FMR1NB: variants seen among roughly 807,000 people sequenced by gnomAD.
FMR1NB encodes the protein FMR1 neighbor protein.
In FMR1NB, 10 loss-of-function variants were observed where a neutral mutation model predicts 16.8. The ratio of observed to expected loss-of-function variants is 0.60; its 90% confidence interval spans 0.37 to 1.01. The LOEUF (loss-of-function observed/expected upper bound fraction) is 1.01. FMR1NB is among the 50% of genes least tolerant of loss of function. The probability of loss-of-function intolerance (pLI) is 0.01; values close to 1 mark genes in which losing one functional copy is unlikely to be tolerated. For synonymous variants in FMR1NB, 83 were observed against 79.1 expected, an observed-to-expected ratio of 1.05 and a Z score of -0.26; for missense variants, 205 against 204.8, an observed-to-expected ratio of 1.00 and a Z score of 0.00.
At chrX:148,023,740 C>A (rs531366321) in intron 4 of FMR1NB, among the ~76,000 whole-genome samples, 24 of 111,349 alleles carry the variant, frequency 2.2e-4, no homozygotes, top group Middle Eastern at 9.2e-3. Flanking sequence ...AAGTAAAAGC[C>A]CTATAAGCAT....
At chrX:147,990,096 T>A (rs1557187460) in intron 1 of FMR1NB, among the ~76,000 whole-genome samples, 1 of 109,731 alleles carries the variant, frequency 9.1e-6, no homozygotes, top group East Asian at 2.8e-4. Flanking sequence ...TCTGAACAGC[T>A]GCCAGTTTTG....
intron 1 of FMR1NB, among the ~76,000 whole-genome samples, chrX:147,982,865 G>A (rs2044457939): frequency 8.9e-6 from 1 of 111,911 alleles, no homozygotes; most frequent in Non-Finnish European, 1.9e-5. Context: ...CTACACTCCA[G>A]CTTGGGCGAC....
chrX:147,993,041 G>A (rs1326871124), intron 1 of FMR1NB, among the ~76,000 whole-genome samples: 4 of 105,677 alleles, frequency 3.8e-5, no homozygotes, highest in Non-Finnish European at 5.9e-5. Flanking sequence ...CTGCAATCTC[G>A]GCACTTTGGG....
chrX:148,025,472 T>C (rs1557190937), intron 5 of FMR1NB, among the ~76,000 whole-genome samples: 3 of 111,568 alleles, frequency 2.7e-5, no homozygotes, highest in African/African-American at 9.8e-5. Flanking sequence ...CACGATGTAG[T>C]GTTAGAAGAG....
At chrX:147,993,280 C>T (rs2044523880) in intron 1 of FMR1NB, among the ~76,000 whole-genome samples, 1 of 112,130 alleles carries the variant, frequency 8.9e-6, no homozygotes, top group African/African-American at 3.2e-5. Context: ...GCGGCGCGTG[C>T]CTGCAATCGC....
chrX:148,018,392 C>T (rs1314667522), intron 4 of FMR1NB, among the ~76,000 whole-genome samples: 1 of 111,805 alleles, frequency 8.9e-6, no homozygotes, highest in Non-Finnish European at 1.9e-5. Flanking sequence ...AAGAACAAAG[C>T]TGGAGGCATC....
chrX:147,995,503 A>G (rs1288403216), intron 1 of FMR1NB, among the ~76,000 whole-genome samples: 2 of 111,750 alleles, frequency 1.8e-5, no homozygotes, highest in African/African-American at 3.3e-5. Flanking sequence ...ATATTTATGC[A>G]GAAGACGTAC....
intron 4 of FMR1NB, among the ~76,000 whole-genome samples, chrX:148,013,628 A>G (rs1204686944): frequency 8.9e-6 from 1 of 112,266 alleles, no homozygotes; most frequent in Non-Finnish European, 1.9e-5. Context: ...GACTTGAGTT[A>G]GATAATTTCT....
intron 4 of FMR1NB, among the ~76,000 whole-genome samples, chrX:148,015,982 T>A (rs5951867): frequency 0.042 from 4,743 of 112,079 alleles, 114 homozygotes; most frequent in East Asian, 0.13. Flanking sequence ...TGTATCTGGG[T>A]GTTCCAGTGT....
intron 1 of FMR1NB, among the ~76,000 whole-genome samples, chrX:147,982,436 A>C (rs1202802309): frequency 9.1e-6 from 1 of 109,292 alleles, no homozygotes; most frequent in Non-Finnish European, 1.9e-5. Flanking sequence ...AAAATACAAA[A>C]AAATTAGCTG....
intron 4 of FMR1NB, among the ~76,000 whole-genome samples, chrX:148,016,752 C>T (rs148537781): frequency 1.8e-5 from 2 of 111,225 alleles, no homozygotes; most frequent in African/African-American, 6.5e-5. Flanking sequence ...AAAACTCTAC[C>T]TCATAGTTTC....
In FMR1NB at chrX:147,981,408, T is replaced by G; in HGVS notation, c.6T>G (p.Ser2=). Residue 2 remains serine (S), a synonymous_variant, in exon 1 of 6, where the codon TCT becomes TCG. Coordinates refer to ENST00000370467, the MANE Select transcript of FMR1NB (RefSeq NM_152578.3). ...GCGAGGCGGCACCCGGAGCCATGTC[T>G]TCACATAGGAGGAAAGCGAAGGGGA... M[S]SHRRKAKGRN... is the part of the protein sequence containing the mutation. 1 of 1,208,318 alleles carries G rather than the reference T, an allele frequency of 8.3e-7. No homozygotes were observed. The highest frequency in any genetic ancestry group is 3.0e-5 in the East Asian group (1 of 33,697).
At chrX:148,025,116 C>A in intron 5 of FMR1NB, 103 bp downstream of exon 5, 1 of 922,208 alleles carries the variant, frequency 1.1e-6, no homozygotes, top group Non-Finnish European at 1.5e-6. Context: ...TTTTTTTAAC[C>A]ACACAAATGT....
Position 148,016,621 on chromosome X carries a change from T to G in FMR1NB, c.632+7910T>G, listed in dbSNP as rs189458364. Among the ~76,000 whole-genome samples, 41 of 111,650 alleles carry G rather than the reference T, an allele frequency of 3.7e-4. No homozygotes were observed. In the East Asian group the frequency reaches 7.0e-3, roughly 19 times the overall value. ...TGCTTTTTATTTTCTGTGAATCCATTGCATGTTTTTTGATTAGAGGTTACC... is the reference window on the plus strand; with the variant it reads ...TGCTTTTTATTTTCTGTGAATCCATGGCATGTTTTTTGATTAGAGGTTACC... On this transcript the variant is annotated intron_variant, in intron 4 of 5. Transcript: ENST00000370467.
Position 148,006,719 on chromosome X carries a change from A to G in FMR1NB, c.415A>G (p.Asn139Asp). Residue 139 changes from asparagine (N) to aspartate (D), a missense_variant, in exon 3 of 6, where the codon AAT (asparagine) becomes GAT (aspartate). Coordinates refer to ENST00000370467, the MANE Select transcript of FMR1NB (RefSeq NM_152578.3). ...TTTAAAAGCTTGCAATCTGAGGGAA[A>G]ATCAGGTGGCAAAGCCTTGTAATGA... ...FFPTTCNLRE[N>D]QVAKPCNELQ... 8.3e-7 allele frequency: 1 copy of G among 1,199,760 alleles called. No homozygotes were observed. The highest frequency in any genetic ancestry group is 1.1e-6 in the Non-Finnish European group (1 of 891,326).
intron 3 of FMR1NB, chrX:148,008,339 TG>T: frequency 3.8e-6 from 1 of 265,938 alleles, no homozygotes; most frequent in Non-Finnish European, 6.6e-6. Context: ...AAATATCGTA[TG>T]CATCATAGTA....
At position 147,981,650 on chromosome X, in the gene FMR1NB, GCTA is replaced by G. The variant is rs1557186522; in HGVS notation, c.253_255del (p.Tyr85del). The G allele has an allele frequency of 8.8e-7, 1 of 1,132,112 alleles. No homozygotes were observed. The highest frequency in any genetic ancestry group is 1.9e-5 in the African/African-American group (1 of 53,354). The allele number at this position is 1,132,112 out of a possible 1,213,427, so 93.3% of individuals were successfully genotyped here. ...TCCATTTGGATCCTGCTGTTCGTGT[GCTA>G]CTACCTGTCCTACTACCTGTGCTCC... On this transcript the variant is annotated inframe_deletion, in exon 1 of 6. Coordinates refer to ENST00000370467, the MANE Select transcript of FMR1NB (RefSeq NM_152578.3).
intron 4 of FMR1NB, among the ~76,000 whole-genome samples, chrX:148,014,729 C>T (rs1258146537): frequency 9.0e-6 from 1 of 111,462 alleles, no homozygotes; most frequent in Non-Finnish European, 1.9e-5. Context: ...ACTGCAGCCT[C>T]GACTTCCCGG....
intron 2 of FMR1NB, 32 bp downstream of exon 2, chrX:148,003,352 A>T (rs782377539): frequency 1.7e-6 from 2 of 1,195,360 alleles, no homozygotes; most frequent in Non-Finnish European, 2.3e-6. Flanking sequence ...TTCCCCCTCT[A>T]ATGTTCTTGT....
Sources: gnomAD v4.1 joint callset for allele counts (sites outside exome capture counted in the v4.1 genomes callset) on GRCh38, gnomAD v4.1.1 for gene constraint, MANE v1.5 for transcripts, NCBI Gene and HGNC (gene_info 2026-07-23, HGNC 2026-07-21) for gene names.